Variants in GRM7 observed in about 807,000 individuals in gnomAD.
GRM7 encodes the protein metabotropic glutamate receptor 7.
GRM7 carries 35 observed loss-of-function variants against 84.5 expected under a neutral mutation model. The observed-to-expected ratio is 0.41, with a 90% CI of 0.32 to 0.55. The LOEUF (loss-of-function observed/expected upper bound fraction) is 0.55, where lower values mean the gene tolerates loss of function less well. Among genes scored for constraint, GRM7 ranks in the 20% least tolerant of loss-of-function variants. The probability of loss-of-function intolerance (pLI) is 0.19; values close to 1 mark genes in which losing one functional copy is unlikely to be tolerated. For missense variants in GRM7, 1,003 were observed against 1,194.6 expected, an observed-to-expected ratio of 0.84 and a Z score of 2.36; for synonymous variants, 487 against 455.1, an observed-to-expected ratio of 1.07 and a Z score of -0.89.
intron 2 of GRM7, among the ~76,000 whole-genome samples, chr3:7,163,922 T>C (rs1694714538): frequency 6.6e-6 from 1 of 152,236 alleles, no homozygotes; most frequent in South Asian, 2.1e-4. Context: ...TGCTAATTCC[T>C]GAGGTACTAA....
chr3:7,237,763 C>T (rs1397642457), intron 2 of GRM7, among the ~76,000 whole-genome samples: 2 of 151,972 alleles, frequency 1.3e-5, no homozygotes, highest in African/African-American at 4.8e-5. Flanking sequence ...CTGCTGGCTC[C>T]AGTGGCCAGC....
In GRM7 at chr3:7,361,753, G is replaced by C. The variant is rs565312347; in HGVS notation, c.1034-53270G>C. ...GAGAAAAACTCCACAAAGACAGAAA[G>C]TGAAGCAGCTCTTGAATGTAAGAAC... On this transcript the variant is annotated intron_variant, in intron 4 of 9. Coordinates refer to ENST00000357716, the MANE Select transcript of GRM7 (RefSeq NM_000844.4). 1.8e-4 allele frequency among the ~76,000 whole-genome samples: 27 copies of C among 152,228 alleles called. No individual in the cohort carries two copies. The South Asian group carries it at 5.0e-3, about 28-fold the overall frequency.
intron 8 of GRM7, among the ~76,000 whole-genome samples, chr3:7,670,422 C>T (rs1460003017): frequency 2.0e-5 from 3 of 152,132 alleles, no homozygotes; most frequent in Admixed American, 6.5e-5. Flanking sequence ...AAGCCATTGT[C>T]GATGGCTTTG....
chr3:7,616,808 G>A (rs558174702), intron 8 of GRM7, among the ~76,000 whole-genome samples: 4 of 152,076 alleles, frequency 2.6e-5, no homozygotes, highest in Admixed American at 1.3e-4. Flanking sequence ...GTTTTACTGT[G>A]ATAAATGACT....
intron 4 of GRM7, among the ~76,000 whole-genome samples, chr3:7,396,196 A>T (rs1695206993): frequency 1.3e-5 from 2 of 152,082 alleles, no homozygotes. Flanking sequence ...CAAAACAAAA[A>T]ATTTCCCAGT....
At chr3:7,675,520 G>A (rs1700086451) in intron 8 of GRM7, among the ~76,000 whole-genome samples, 1 of 152,154 alleles carries the variant, frequency 6.6e-6, no homozygotes, top group African/African-American at 2.4e-5. Context: ...AAGGCATCTT[G>A]TGATATGCAT....
At chr3:6,906,858 A>G (rs1259308863) in intron 1 of GRM7, among the ~76,000 whole-genome samples, 2 of 152,168 alleles carry the variant, frequency 1.3e-5, no homozygotes, top group East Asian at 3.9e-4. Context: ...GCAGTTTTTA[A>G]CATCCTTACT....
chr3:7,014,968 A>G (rs566676880), intron 1 of GRM7, among the ~76,000 whole-genome samples: 1 of 152,306 alleles, frequency 6.6e-6, no homozygotes, highest in East Asian at 1.9e-4. Flanking sequence ...AAATGTGCCA[A>G]TCAGTGCTCT....
intron 6 of GRM7, among the ~76,000 whole-genome samples, chr3:7,459,139 C>T (rs1210285805): frequency 6.6e-6 from 1 of 152,010 alleles, no homozygotes; most frequent in African/African-American, 2.4e-5. Context: ...AGGTAAAAGA[C>T]AGAAAAAAAC....
At chr3:7,148,838 C>G (rs774004644) in intron 2 of GRM7, among the ~76,000 whole-genome samples, 1 of 152,244 alleles carries the variant, frequency 6.6e-6, no homozygotes, top group Admixed American at 6.5e-5. Flanking sequence ...AGCCTTTCCC[C>G]TTGAGGACGG....
rs1553613968 is a variant in GRM7 at position 7,075,532 on chromosome 3, G to GTT, written c.520-70919_520-70918insTT. ...TGTGTGTGTGTGTGTGTGTGTGTGT[G>GTT]TGTGTGTGTGTGTTTGGAGATGGAG... is the stretch of plus-strand genomic sequence containing the variant. On this transcript the variant is annotated intron_variant, in intron 1 of 9. Coordinates refer to ENST00000357716, the MANE Select transcript of GRM7 (RefSeq NM_000844.4). 2.6e-3 allele frequency among the ~76,000 whole-genome samples: 384 copies of GTT among 147,834 alleles called. 3 individuals are homozygous for GTT. Among genetic ancestry groups the GTT allele is most frequent in the Admixed American group, 5.9e-3 (84 of 14,188 alleles).
chr3:7,061,075 TTTCATAAAACTATTAAGA>T (rs1697419993), intron 1 of GRM7, among the ~76,000 whole-genome samples: 1 of 151,802 alleles, frequency 6.6e-6, no homozygotes, highest in African/African-American at 2.4e-5. Flanking sequence ...TTTGATGTGC[TTTCATAAAACTATTAAGA>T]TTTATATGTG....
At chr3:7,269,641 G>C (rs978438455) in intron 2 of GRM7, among the ~76,000 whole-genome samples, 7 of 152,318 alleles carry the variant, frequency 4.6e-5, no homozygotes, top group Non-Finnish European at 8.8e-5. Context: ...AGGGTGCCAG[G>C]CTGGTGATGT....
chr3:7,593,732 A>G (rs1271195861), intron 8 of GRM7, among the ~76,000 whole-genome samples: 2 of 152,160 alleles, frequency 1.3e-5, no homozygotes, highest in Admixed American at 1.3e-4. Context: ...GCCAGTGGCT[A>G]TTTATGTAGG....
At chr3:7,154,646 A>G (rs1298789413) in intron 2 of GRM7, among the ~76,000 whole-genome samples, 3 of 152,170 alleles carry the variant, frequency 2.0e-5, no homozygotes, top group Non-Finnish European at 4.4e-5. Flanking sequence ...GCTCATCTTT[A>G]CATAGAGGGG....
chr3:7,407,644 G>A (rs1695740537), intron 4 of GRM7, among the ~76,000 whole-genome samples: 1 of 152,084 alleles, frequency 6.6e-6, no homozygotes, highest in South Asian at 2.1e-4. Flanking sequence ...AGTCGCATTT[G>A]GAATATGTGA....
In GRM7 at chr3:7,198,460, A is replaced by G. The variant is rs899383253; in HGVS notation, c.736+51792A>G. Among the ~76,000 whole-genome samples, 35 of 152,294 alleles carry G rather than the reference A, an allele frequency of 2.3e-4. 1 individual carries two copies. The highest frequency in any genetic ancestry group is 1.5e-3 in the South Asian group (7 of 4,826). The stretch of plus-strand genomic sequence containing the variant: ...ATGTAAAAACTCATCTAGCTCTACA[A>G]TTGAGACATGCACAGATGCTCCTTG... On this transcript the variant is annotated intron_variant, in intron 2 of 9. Transcript: ENST00000357716.
chr3:6,922,537 T>A (rs928675650), intron 1 of GRM7, among the ~76,000 whole-genome samples: 5 of 152,202 alleles, frequency 3.3e-5, no homozygotes, highest in Admixed American at 3.3e-4. Flanking sequence ...GTTTTTAAAT[T>A]TATCACTTCT....
chr3:7,653,180 C>CTT (rs1218949173), intron 8 of GRM7, among the ~76,000 whole-genome samples: 5,132 of 88,160 alleles, frequency 0.058, 264 homozygotes, highest in African/African-American at 0.084. Flanking sequence ...ATACTATATC[C>CTT]TTTTTTTTTT....
Sources: gnomAD v4.1 joint callset for allele counts (sites outside exome capture counted in the v4.1 genomes callset) on GRCh38, gnomAD v4.1.1 for gene constraint, MANE v1.5 for transcripts, NCBI Gene and HGNC (gene_info 2026-07-23, HGNC 2026-07-21) for gene names.